EFNA5: variants seen among roughly 807,000 people sequenced by gnomAD.
EFNA5 encodes the protein ephrin A5, also known as ephrin-A5.
Under a neutral mutation model 22.9 loss-of-function variants are expected in EFNA5, and 5 were observed. The ratio of observed to expected loss-of-function variants is 0.22; its 90% CI spans 0.11 to 0.46. The LOEUF (loss-of-function observed/expected upper bound fraction) is 0.46, where lower values mean the gene tolerates loss of function less well. EFNA5 is among the 20% of genes least tolerant of loss of function. The pLI is 0.99. For missense variants in EFNA5, 237 were observed against 293.3 expected (o/e 0.81, Z 1.40); for synonymous variants, 113 against 112.2 (o/e 1.01, Z -0.04).
At chr5:107,502,485 C>A (rs1747157583) in intron 1 of EFNA5, among the ~76,000 whole-genome samples, 1 of 152,178 alleles carries the variant, frequency 6.6e-6, no homozygotes, top group African/African-American at 2.4e-5. Context: ...GTGATCCTGA[C>A]ACAATTGCTG....
intron 1 of EFNA5, among the ~76,000 whole-genome samples, chr5:107,475,585 C>T (rs1009361083): frequency 8.5e-5 from 13 of 152,090 alleles, no homozygotes; most frequent in African/African-American, 3.1e-4. Context: ...CAAAGTGCTT[C>T]AGAAGTTATT....
chr5:107,590,650 C>G (rs1009082020), intron 1 of EFNA5, among the ~76,000 whole-genome samples: 3 of 152,066 alleles, frequency 2.0e-5, no homozygotes, highest in Non-Finnish European at 4.4e-5. Flanking sequence ...ACCTCAGCCT[C>G]CCAAAGTGCT....
intron 1 of EFNA5, among the ~76,000 whole-genome samples, chr5:107,453,514 A>C (rs1282419552): frequency 6.6e-6 from 1 of 152,182 alleles, no homozygotes; most frequent in Non-Finnish European, 1.5e-5. Flanking sequence ...ATTAAACTCT[A>C]TAAATTGAGT....
chr5:107,381,198 T>A lies in EFNA5; in HGVS notation c.*57A>T, dbSNP rs780500288. Reference sequence around the variant, plus strand: ...TTCTTAGGATGAGCAGTTAGGTGGATCTCTGGTGTTCCAAGACCCTGATGT... The same window carrying A: ...TTCTTAGGATGAGCAGTTAGGTGGAACTCTGGTGTTCCAAGACCCTGATGT... On this transcript the variant is annotated 3_prime_UTR_variant, in exon 5 of 5. Coordinates refer to ENST00000333274, the MANE Select transcript of EFNA5 (RefSeq NM_001962.3). The A allele has an allele frequency of 1.9e-6, 3 of 1,559,722 alleles. No individual in the cohort carries two copies. The highest frequency in any genetic ancestry group is 2.6e-6 in the Non-Finnish European group (3 of 1,141,740).
chr5:107,647,414 C>T (rs1750649050), intron 1 of EFNA5, among the ~76,000 whole-genome samples: 1 of 151,946 alleles, frequency 6.6e-6, no homozygotes, highest in Non-Finnish European at 1.5e-5. Flanking sequence ...ATAATGAGCT[C>T]TTATTTTATG....
intron 1 of EFNA5, among the ~76,000 whole-genome samples, chr5:107,530,994 AT>A (rs1307700390): frequency 6.6e-6 from 1 of 152,222 alleles, no homozygotes; most frequent in African/African-American, 2.4e-5. Context: ...TGTAAAGATA[AT>A]TTTTTGAATT....
chr5:107,606,198 G>A (rs2112516517), intron 1 of EFNA5, among the ~76,000 whole-genome samples: 1 of 152,130 alleles, frequency 6.6e-6, no homozygotes, highest in Middle Eastern at 3.4e-3. Flanking sequence ...CTTTTTACTT[G>A]ACTTTTTTTT....
chr5:107,513,340 A>G (rs1337615334), intron 1 of EFNA5, among the ~76,000 whole-genome samples: 1 of 152,206 alleles, frequency 6.6e-6, no homozygotes, highest in Non-Finnish European at 1.5e-5. Context: ...AGCTCAATTA[A>G]TAATAAAATG....
chr5:107,412,571 C>T (rs1748397876), intron 2 of EFNA5, among the ~76,000 whole-genome samples: 1 of 152,090 alleles, frequency 6.6e-6, no homozygotes, highest in African/African-American at 2.4e-5. Flanking sequence ...AACATTTCTC[C>T]ACGTTTCTCA....
chr5:107,496,522 T>G (rs988358678), intron 1 of EFNA5, among the ~76,000 whole-genome samples: 1 of 151,262 alleles, frequency 6.6e-6, no homozygotes, highest in African/African-American at 2.4e-5. Flanking sequence ...GAGAAGTACC[T>G]TATCACAACG....
intron 1 of EFNA5, among the ~76,000 whole-genome samples, chr5:107,581,473 G>A (rs1244991119): frequency 1.3e-5 from 2 of 152,088 alleles, no homozygotes; most frequent in Non-Finnish European, 2.9e-5. Flanking sequence ...ACAGCACATC[G>A]AATATCTGAT....
Position 107,637,498 on chromosome 5 carries a change from G to GTGTGTGTGTGTGTGTGTC in EFNA5, c.125+32990_125+32991insGACACACACACACACACA, listed in dbSNP as rs1221520741. Among the ~76,000 whole-genome samples, 5 of 139,260 alleles carry GTGTGTGTGTGTGTGTGTC rather than the reference G, an allele frequency of 3.6e-5. No homozygotes were observed. In the East Asian group the frequency reaches 8.0e-4, roughly 22 times the overall value. 91.4% of individuals were successfully genotyped at this position (139,260 alleles called of 152,430 possible). A position where few individuals can be genotyped will look rare whatever the true frequency, so the allele number is the denominator to read the frequency against. ...GACCAAATATTCACAGCAAGGCACTGTGTGTGTGTGTGTGTGTGTCTGTGT... is the reference window on the plus strand; with the variant it reads ...GACCAAATATTCACAGCAAGGCACTGTGTGTGTGTGTGTGTGTCTGTGTGTGTGTGTGTGTGTCTGTGT... On this transcript the variant is annotated intron_variant, in intron 1 of 4. Coordinates refer to ENST00000333274, the MANE Select transcript of EFNA5 (RefSeq NM_001962.3).
intron 1 of EFNA5, among the ~76,000 whole-genome samples, chr5:107,603,312 T>C (rs888748221): frequency 2.0e-5 from 3 of 152,178 alleles, no homozygotes; most frequent in Non-Finnish European, 2.9e-5. Context: ...GGAAAGAATA[T>C]ACAGAATTGA....
chr5:107,606,539 ACACACACAC>A (rs1749728966), intron 1 of EFNA5, among the ~76,000 whole-genome samples: 1 of 6,810 alleles, frequency 1.5e-4, no homozygotes, highest in Non-Finnish European at 6.8e-4. Flanking sequence ...TGCACGTACA[ACACACACAC>A]ACACACACAC....
intron 1 of EFNA5, among the ~76,000 whole-genome samples, chr5:107,504,610 T>C (rs1747213189): frequency 1.3e-5 from 2 of 152,188 alleles, no homozygotes; most frequent in South Asian, 4.1e-4. Flanking sequence ...AATTACTACA[T>C]TACCCTGGGC....
rs537166062 is a variant in EFNA5, at chr5:107,585,345, A to G, written c.125+85144T>C. 4.3e-4 allele frequency among the ~76,000 whole-genome samples: 66 copies of G among 152,298 alleles called. 1 individual carries two copies. Among genetic ancestry groups the G allele is most frequent in the African/African-American group, 1.6e-3 (65 of 41,566 alleles). On this transcript the variant is annotated intron_variant, in intron 1 of 4. Transcript: ENST00000333274. ...CCTATTGCACTACATCAAGGGCACAAAGGAGTTTTTCCTTATACCCTAAAT... is the reference window on the plus strand; with the variant it reads ...CCTATTGCACTACATCAAGGGCACAGAGGAGTTTTTCCTTATACCCTAAAT...
At chr5:107,591,917 T>TATATATATTATATATAATATATA (rs1749347398) in intron 1 of EFNA5, among the ~76,000 whole-genome samples, 10 of 6,618 alleles carry the variant, frequency 1.5e-3, no homozygotes, top group African/African-American at 0.015. Flanking sequence ...ATATAAAAAA[T>TATATATATTATATATAATATATA]ATATATATAA....
At chr5:107,563,004 T>G (rs1190873578) in intron 1 of EFNA5, among the ~76,000 whole-genome samples, 2 of 152,136 alleles carry the variant, frequency 1.3e-5, no homozygotes, top group African/African-American at 4.8e-5. Flanking sequence ...CAAACCAACA[T>G]GAAAGTCAGT....
intron 1 of EFNA5, among the ~76,000 whole-genome samples, chr5:107,561,519 C>A (rs981154946): frequency 6.6e-6 from 1 of 152,056 alleles, no homozygotes; most frequent in Non-Finnish European, 1.5e-5. Context: ...CAGGAGTGTG[C>A]CACCATGCCC....
Sources: gnomAD v4.1 joint callset for allele counts (sites outside exome capture counted in the v4.1 genomes callset) on GRCh38, gnomAD v4.1.1 for gene constraint, MANE v1.5 for transcripts, NCBI Gene and HGNC (gene_info 2026-07-23, HGNC 2026-07-21) for gene names.